The following ACOT7 variants were observed in gnomAD, a reference collection of about 807,000 sequenced individuals.
ACOT7 encodes cytosolic acyl coenzyme A thioester hydrolase.
ACOT7 carries 12 observed loss-of-function variants against 40.2 expected under a neutral mutation model. That is an observed-to-expected ratio of 0.30 (90% CI 0.19 to 0.48). ACOT7 has a LOEUF of 0.48. Among genes scored for constraint, ACOT7 ranks in the 20% least tolerant of loss-of-function variants. The pLI is 0.99. For synonymous variants in ACOT7, 228 were observed against 219.5 expected (o/e 1.04, Z -0.34); for missense variants, 395 against 530.8 (o/e 0.74, Z 2.51).
intron 2 of ACOT7, among the ~76,000 whole-genome samples, chr1:6,342,183 C>G (rs1230670671): frequency 1.3e-5 from 2 of 152,212 alleles, no homozygotes; most frequent in Non-Finnish European, 2.9e-5. Context: ...TAAGGGCCGG[C>G]TTCCTGGTTC....
In ACOT7 at chr1:6,352,932, A is replaced by G. The variant is rs1297537760; in HGVS notation, c.144-3066T>C. 2.0e-5 allele frequency among the ~76,000 whole-genome samples: 3 copies of G among 150,328 alleles called. No individual in the cohort carries two copies. Among genetic ancestry groups the G allele is most frequent in the South Asian group, 2.1e-4 (1 of 4,732 alleles). On this transcript the variant is annotated intron_variant, in intron 1 of 8. Transcript: ENST00000361521. The surrounding 1 kb of genome is among the most constrained non-coding windows in gnomAD (Gnocchi z 4.5). Reference sequence around the variant, plus strand: ...CTCATTCTGTCACCCAGGCTGGAGTACAGTGGCATGATCTTGGCTCACTGC... The same window carrying G: ...CTCATTCTGTCACCCAGGCTGGAGTGCAGTGGCATGATCTTGGCTCACTGC...
intron 6 of ACOT7, among the ~76,000 whole-genome samples, chr1:6,303,790 C>G (rs537406836): frequency 6.6e-6 from 1 of 152,144 alleles, no homozygotes; most frequent in Non-Finnish European, 1.5e-5. Flanking sequence ...TGGCTGGGAC[C>G]ATGGACAGAG....
intron 6 of ACOT7, among the ~76,000 whole-genome samples, chr1:6,300,579 G>GCCCCTC (rs1639941051): frequency 2.2e-5 from 3 of 135,294 alleles, no homozygotes; most frequent in African/African-American, 8.5e-5. Flanking sequence ...TGCGCGGCCG[G>GCCCCTC]CCCTCTCCAC....
chr1:6,306,479 C>T lies in ACOT7; in HGVS notation c.713-11499G>A, dbSNP rs1416938901. On this transcript the variant is annotated intron_variant, in intron 6 of 8. Transcript: ENST00000361521. This position sits in a 1 kb window ranked among gnomAD's most constrained non-coding sequence, Gnocchi z 4.3. ...TGACACCATCTCGGGGTTCAAGGTTCAAGTTCACCAGTCCCCACGTCCCGC... is the reference window on the plus strand; with the variant it reads ...TGACACCATCTCGGGGTTCAAGGTTTAAGTTCACCAGTCCCCACGTCCCGC... The T allele has an allele frequency of 2.0e-6, 2 of 985,188 alleles. No homozygotes were observed. The highest frequency in any genetic ancestry group is 4.7e-5 in the South Asian group (1 of 21,276). The allele number at this position is 985,188 out of a possible 1,614,324, so 61.0% of individuals were successfully genotyped here.
chr1:6,309,488 G>A (rs1370274586), intron 6 of ACOT7, among the ~76,000 whole-genome samples: 2 of 152,018 alleles, frequency 1.3e-5, no homozygotes, highest in Admixed American at 6.6e-5. Flanking sequence ...CCAACACTTA[G>A]GTATTTTTTA....
In ACOT7 at chr1:6,385,287, G is replaced by A. The variant is rs565840401; in HGVS notation, c.143+7970C>T. On this transcript the variant is annotated intron_variant, in intron 1 of 8. Coordinates refer to ENST00000361521, the MANE Select transcript of ACOT7 (RefSeq NM_007274.4). ...CCAACAAAGCCCGGGTGTTCCGCTC[G>A]TCCCTAGGGGAAGAACATGCCAGGT... is the stretch of plus-strand genomic sequence containing the variant. Among the ~76,000 whole-genome samples the A allele has an allele frequency of 4.0e-5, 6 of 151,836 alleles. No homozygotes were observed. In the East Asian group the frequency reaches 9.7e-4, roughly 24 times the overall value.
intron 6 of ACOT7, among the ~76,000 whole-genome samples, chr1:6,315,637 G>A (rs1475823117): frequency 6.6e-6 from 1 of 151,640 alleles, no homozygotes; most frequent in Admixed American, 6.6e-5. Context: ...TGTAGTCCCA[G>A]CTACTTGGGA....
intron 4 of ACOT7, 111 bp from the exon 5 acceptor site, chr1:6,327,524 C>A: frequency 3.5e-6 from 3 of 855,286 alleles, no homozygotes; most frequent in East Asian, 5.3e-5. Flanking sequence ...ACTATTTTTT[C>A]TTCTGTTCAT....
rs897300316 is a variant in ACOT7, at chr1:6,288,280, G to A, written c.829+6584C>T. On this transcript the variant is annotated intron_variant, in intron 7 of 8. Coordinates refer to ENST00000361521, the MANE Select transcript of ACOT7 (RefSeq NM_007274.4). This position sits in a 1 kb window ranked among gnomAD's most constrained non-coding sequence, Gnocchi z 4.3. ...CGTTGCTGGCCTGGGAACTCCACGC[G>A]CCTTTGGTGGGTGGGCACTTCCCAT... Among the ~76,000 whole-genome samples, 1 of 152,214 alleles carries A rather than the reference G, an allele frequency of 6.6e-6. No individual in the cohort carries two copies. The highest frequency in any genetic ancestry group is 2.4e-5 in the African/African-American group (1 of 41,458).
chr1:6,357,153 C>T (rs1229453172), intron 1 of ACOT7, among the ~76,000 whole-genome samples: 9 of 151,152 alleles, frequency 6.0e-5, no homozygotes, highest in African/African-American at 1.9e-4. Context: ...AGGAGAATCG[C>T]TTAAACCCAA....
chr1:6,279,244 G>T (rs973292019), intron 8 of ACOT7, among the ~76,000 whole-genome samples: 2 of 152,208 alleles, frequency 1.3e-5, no homozygotes, highest in African/African-American at 4.8e-5. Context: ...AGGAACGACT[G>T]CGGACCAGCC....
chr1:6,325,569 G>A (rs187447260), intron 5 of ACOT7, among the ~76,000 whole-genome samples: 141 of 152,148 alleles, frequency 9.3e-4, no homozygotes, highest in African/African-American at 3.2e-3. Context: ...TAAAGAAACC[G>A]ACCTACCCAG....
intron 8 of ACOT7, among the ~76,000 whole-genome samples, chr1:6,267,343 G>A (rs1638881122): frequency 6.6e-6 from 1 of 152,226 alleles, no homozygotes; most frequent in Non-Finnish European, 1.5e-5. Context: ...TGGCTCTGCG[G>A]AGCCAACGCC....
At chr1:6,385,109 T>C (rs1642412867) in intron 1 of ACOT7, among the ~76,000 whole-genome samples, 1 of 151,848 alleles carries the variant, frequency 6.6e-6, no homozygotes, top group African/African-American at 2.4e-5. Context: ...ACCAACCTTC[T>C]GGTCTAAAAT....
chr1:6,315,037 C>T (rs1290766749), intron 6 of ACOT7, among the ~76,000 whole-genome samples: 1 of 152,178 alleles, frequency 6.6e-6, no homozygotes, highest in Admixed American at 6.5e-5. Context: ...GTCCATGCAA[C>T]CAGGAAAGCA....
At chr1:6,276,996 C>T (rs374204505) in intron 8 of ACOT7, among the ~76,000 whole-genome samples, 3 of 152,078 alleles carry the variant, frequency 2.0e-5, no homozygotes, top group South Asian at 2.1e-4. Context: ...GACCACCCCC[C>T]CCCAGGGTAT....
chr1:6,290,213 G>C (rs1639626245), intron 7 of ACOT7, among the ~76,000 whole-genome samples: 1 of 152,240 alleles, frequency 6.6e-6, no homozygotes, highest in African/African-American at 2.4e-5. Context: ...CTGGTAGGAT[G>C]CAGCCTGCAG....
At chr1:6,305,222 G>C (rs1439822196) in intron 6 of ACOT7, among the ~76,000 whole-genome samples, 3 of 144,936 alleles carry the variant, frequency 2.1e-5, no homozygotes, top group Admixed American at 1.4e-4. Flanking sequence ...CATCCTTCCC[G>C]GACGGGGCGG....
intron 8 of ACOT7, among the ~76,000 whole-genome samples, chr1:6,276,555 A>C (rs1381504904): frequency 2.0e-5 from 3 of 152,158 alleles, no homozygotes; most frequent in Admixed American, 6.5e-5. Flanking sequence ...AAGGGAGCTA[A>C]AAATAGACAG....
Sources: gnomAD v4.1 joint callset for allele counts (sites outside exome capture counted in the v4.1 genomes callset) on GRCh38, gnomAD v4.1.1 for gene constraint, Gnocchi (gnomAD v3.1) non-coding constraint, MANE v1.5 for transcripts, NCBI Gene and HGNC (gene_info 2026-07-23, HGNC 2026-07-21) for gene names.